The following CPLX3 variants were observed in gnomAD, a reference collection of about 807,000 sequenced individuals.
The protein encoded by CPLX3 is complexin 3.
CPLX3 carries 12 observed loss-of-function variants against 17.2 expected under a neutral mutation model. The ratio of observed to expected loss-of-function variants is 0.70; its 90% CI spans 0.45 to 1.13. The LOEUF is 1.13. Among genes scored for constraint, CPLX3 ranks in the 50% most tolerant of loss-of-function variants. The probability of loss-of-function intolerance (pLI) is 0.00; values close to 1 mark genes in which losing one functional copy is unlikely to be tolerated. For synonymous variants in CPLX3, 75 were observed against 79.4 expected, an observed-to-expected ratio of 0.94 and a Z score of 0.29; for missense variants, 172 against 203.2, an observed-to-expected ratio of 0.85 and a Z score of 0.93.
At chr15:74,829,045 A>C (rs1254087136) in intron 2 of CPLX3, among the ~76,000 whole-genome samples, 2 of 152,216 alleles carry the variant, frequency 1.3e-5, no homozygotes, top group African/African-American at 4.8e-5. Flanking sequence ...TTGAATGACC[A>C]AATATATGAA....
At chr15:74,828,772 A>G (rs1446915443) in intron 2 of CPLX3, among the ~76,000 whole-genome samples, 6 of 152,082 alleles carry the variant, frequency 3.9e-5, no homozygotes. Flanking sequence ...TTTCCAGAGT[A>G]TGGAGTCTGC....
Position 74,831,021 on chromosome 15 carries a change from G to A in CPLX3, c.*667G>A, listed in dbSNP as rs1294139871. The stretch of plus-strand genomic sequence containing the variant: ...GCAGCAGCTGCTGCCACAGCCTCCA[G>A]CGGCTGCCACTGTGGGCTCTGGGAG... On this transcript the variant is annotated 3_prime_UTR_variant, in exon 3 of 3. Coordinates refer to ENST00000395018, the MANE Select transcript of CPLX3 (RefSeq NM_001030005.3). 2.0e-5 allele frequency: 3 copies of A among 152,728 alleles called. No individual in the cohort carries two copies. Among genetic ancestry groups the A allele is most frequent in the Admixed American group, 2.0e-4 (3 of 15,294 alleles). 9.5% of individuals were successfully genotyped at this position (152,728 alleles called of 1,614,324 possible). A position where few individuals can be genotyped will look rare whatever the true frequency, so the allele number is the denominator to read the frequency against.
chr15:74,826,897 A>G lies in CPLX3; in HGVS notation c.164+30A>G, dbSNP rs752176066. On this transcript the variant is annotated intron_variant, in intron 1 of 2. Coordinates refer to ENST00000395018, the MANE Select transcript of CPLX3 (RefSeq NM_001030005.3). The surrounding 1 kb of genome is among the most constrained non-coding windows in gnomAD (Gnocchi z 5.0). Reference sequence around the variant, plus strand: ...GTGGGATCCCTTCCTGGCTCCAACGACCTCCCCTCCCCACCCCCACAGCTG... The same window carrying G: ...GTGGGATCCCTTCCTGGCTCCAACGGCCTCCCCTCCCCACCCCCACAGCTG... The G allele has an allele frequency of 1.9e-6, 3 of 1,570,484 alleles. No homozygotes were observed. Among genetic ancestry groups the G allele is most frequent in the Non-Finnish European group, 8.6e-7 (1 of 1,158,888 alleles).
chr15:74,830,259 A>G lies in CPLX3; in HGVS notation c.382A>G (p.Ser128Gly), dbSNP rs2063962706. 1.9e-6 allele frequency: 3 copies of G among 1,614,018 alleles called. No individual in the cohort carries two copies. Among genetic ancestry groups the G allele is most frequent in the East Asian group, 2.2e-5 (1 of 44,880 alleles). ...EKASVLGQLA[S>G]LPGLNLGSLK... is the part of the protein sequence containing the mutation. ...GGCCTCAGTCCTTGGGCAGCTGGCC[A>G]GCCTTCCTGGCTTGAACCTGGGCTC... Residue 128 changes from serine to glycine, a missense_variant, in exon 3 of 3, where the codon AGC (serine) becomes GGC (glycine). Coordinates refer to ENST00000395018, the MANE Select transcript of CPLX3 (RefSeq NM_001030005.3).
At position 74,830,163 on chromosome 15, in the gene CPLX3, G is replaced by A; in HGVS notation, c.286G>A (p.Gly96Ser). 1 of 1,613,978 alleles carries A rather than the reference G, an allele frequency of 6.2e-7. No homozygotes were observed. The highest frequency in any genetic ancestry group is 1.1e-5 in the South Asian group (1 of 91,076). The change falls in exon 3 of 3, where the codon GGT (glycine) becomes AGT (serine). Residue 96 changes from glycine to serine, a missense_variant. By Grantham distance (56) the Gly-to-Ser change is moderately conservative. Coordinates refer to ENST00000395018, the MANE Select transcript of CPLX3 (RefSeq NM_001030005.3). Reference protein sequence around the residue: ...ETDESQIQMAGGDVELPRELA... With the variant: ...ETDESQIQMASGDVELPRELA... ...AGATGAGAGCCAGATCCAGATGGCAGGTGGAGACGTGGAGCTGCCCCGGGA... is the reference window on the plus strand; with the variant it reads ...AGATGAGAGCCAGATCCAGATGGCAAGTGGAGACGTGGAGCTGCCCCGGGA...
intron 2 of CPLX3, among the ~76,000 whole-genome samples, chr15:74,829,156 G>A (rs545025304): frequency 3.3e-5 from 5 of 152,096 alleles, no homozygotes; most frequent in African/African-American, 9.7e-5. Context: ...GGGAAAAACC[G>A]GTCCAGAAAG....
Position 74,826,674 on chromosome 15 carries a change from A to G in CPLX3, c.-30A>G. 1 of 1,593,924 alleles carries G rather than the reference A, an allele frequency of 6.3e-7. No individual in the cohort carries two copies. The highest frequency in any genetic ancestry group is 8.5e-7 in the Non-Finnish European group (1 of 1,171,644). ...TGCCCGGTGCCTGGCGCGTGGTAGC[A>G]GGCGCCCGGTGCCCCGGCCGGCGAA... On this transcript the variant is annotated 5_prime_UTR_variant, in exon 1 of 3. Coordinates refer to ENST00000395018, the MANE Select transcript of CPLX3 (RefSeq NM_001030005.3). The surrounding 1 kb of genome is among the most constrained non-coding windows in gnomAD (Gnocchi z 5.0).
chr15:74,829,117 G>C (rs1275712848), intron 2 of CPLX3, among the ~76,000 whole-genome samples: 1 of 152,122 alleles, frequency 6.6e-6, no homozygotes, highest in Non-Finnish European at 1.5e-5. Context: ...ACTCCCCACA[G>C]GGCACCAATC....
rs2063969759 is a variant in CPLX3, at chr15:74,831,577, A to G, written c.*1223A>G. On this transcript the variant is annotated 3_prime_UTR_variant, in exon 3 of 3. Coordinates refer to ENST00000395018, the MANE Select transcript of CPLX3 (RefSeq NM_001030005.3). Reference sequence around the variant, plus strand: ...GCCTACACCCCTCCTCACCCTAGAGACGGAAGATGTGCAAAAAGAAAGAAG... The same window carrying G: ...GCCTACACCCCTCCTCACCCTAGAGGCGGAAGATGTGCAAAAAGAAAGAAG... The G allele has an allele frequency of 6.6e-6, 1 of 152,012 alleles. No homozygotes were observed. The highest frequency in any genetic ancestry group is 2.4e-5 in the African/African-American group (1 of 41,330). The allele number at this position is 152,012 out of a possible 1,614,324, so 9.4% of individuals were successfully genotyped here. A position where few individuals can be genotyped will look rare whatever the true frequency, so the allele number is the denominator to read the frequency against.
chr15:74,828,738 C>A (rs1403902996), intron 2 of CPLX3, among the ~76,000 whole-genome samples: 1 of 152,180 alleles, frequency 6.6e-6, no homozygotes, highest in Non-Finnish European at 1.5e-5. Context: ...ATGAGCCTGC[C>A]TTTGCTCCAG....
At chr15:74,830,106 C>T in intron 2 of CPLX3, 24 bp from the exon 3 acceptor site, 1 of 1,596,890 alleles carries the variant, frequency 6.3e-7, no homozygotes, top group Non-Finnish European at 8.6e-7. Context: ...TCCACCCCAC[C>T]CCCTCTTCCC....
Position 74,831,131 on chromosome 15 carries a change from A to C in CPLX3, c.*777A>C, listed in dbSNP as rs1051562975. 6.5e-6 allele frequency: 1 copy of C among 152,672 alleles called. No individual in the cohort carries two copies. The highest frequency in any genetic ancestry group is 6.5e-5 in the Admixed American group (1 of 15,286). The allele number at this position is 152,672 out of a possible 1,614,324, so 9.5% of individuals were successfully genotyped here. On this transcript the variant is annotated 3_prime_UTR_variant, in exon 3 of 3. Coordinates refer to ENST00000395018, the MANE Select transcript of CPLX3 (RefSeq NM_001030005.3). Reference sequence around the variant, plus strand: ...GCGGCTCCAGGCCTCCTCTGGGCCCAGGGCCCAGCCAATTTCTGTTCTGTT... The same window carrying C: ...GCGGCTCCAGGCCTCCTCTGGGCCCCGGGCCCAGCCAATTTCTGTTCTGTT...
At chr15:74,830,069 C>T in intron 2 of CPLX3, 61 bp from the exon 3 acceptor site, 1 of 1,327,416 alleles carries the variant, frequency 7.5e-7, no homozygotes, top group Non-Finnish European at 1.1e-6. Context: ...CCTGTCCTCT[C>T]AACTCTGGGT....
chr15:74,829,979 T>C (rs1726924177), intron 2 of CPLX3, 151 bp from the exon 3 acceptor site: 2 of 612,520 alleles, frequency 3.3e-6, no homozygotes, highest in African/African-American at 2.0e-5. Flanking sequence ...GTGGGCAACA[T>C]AGGGAGACCT....
At chr15:74,830,013 A>AAG in intron 2 of CPLX3, 117 bp from the exon 3 acceptor site, 1 of 725,078 alleles carries the variant, frequency 1.4e-6, no homozygotes, top group Non-Finnish European at 2.3e-6. Flanking sequence ...AAAAAAAAAA[A>AAG]GAAAAAATAG....
chr15:74,830,425 C>T lies in CPLX3; in HGVS notation c.*71C>T. On this transcript the variant is annotated 3_prime_UTR_variant, in exon 3 of 3. Coordinates refer to ENST00000395018, the MANE Select transcript of CPLX3 (RefSeq NM_001030005.3). ...AAGAGTGTGTCAACTTCCAGGGACC[C>T]ATACTCCATTTGGGGCTTTGTTTCC... 2.3e-6 allele frequency: 3 copies of T among 1,283,972 alleles called. No individual in the cohort carries two copies. Among genetic ancestry groups the T allele is most frequent in the Middle Eastern group, 2.6e-4 (1 of 3,842 alleles). The allele number at this position is 1,283,972 out of a possible 1,614,324, so 79.5% of individuals were successfully genotyped here.
rs770810449 is a variant in CPLX3 at position 74,830,629 on chromosome 15, A to G, written c.*275A>G. 24 of 415,074 alleles carry G rather than the reference A, an allele frequency of 5.8e-5. No individual in the cohort carries two copies. Among genetic ancestry groups the G allele is most frequent in the Non-Finnish European group, 8.4e-5 (19 of 224,920 alleles). The allele number at this position is 415,074 out of a possible 1,614,324, so 25.7% of individuals were successfully genotyped here. A position where few individuals can be genotyped will look rare whatever the true frequency, so the allele number is the denominator to read the frequency against. On this transcript the variant is annotated 3_prime_UTR_variant, in exon 3 of 3. Coordinates refer to ENST00000395018, the MANE Select transcript of CPLX3 (RefSeq NM_001030005.3). ...GGAATAGGCCCATCCCTCTCTGGCC[A>G]TGGCCCCAAGTTCCTGCACACAGGA...
At chr15:74,830,026 T>C (rs984157593) in intron 2 of CPLX3, 104 bp from the exon 3 acceptor site, 9 of 722,954 alleles carry the variant, frequency 1.2e-5, no homozygotes, top group Non-Finnish European at 2.1e-5. Context: ...AAAAATAGAA[T>C]CTAGGGGCCT....
At chr15:74,827,287 ACT>A (rs2063948292) in intron 1 of CPLX3, among the ~76,000 whole-genome samples, 3 of 152,164 alleles carry the variant, frequency 2.0e-5, no homozygotes, top group African/African-American at 7.2e-5. Context: ...AGATGGGGGC[ACT>A]CACAAACATT....
Sources: allele counts gnomAD v4.1 joint callset (sites outside exome capture counted in the v4.1 genomes callset), GRCh38; gene constraint gnomAD v4.1.1; non-coding constraint Gnocchi (gnomAD v3.1); transcripts MANE v1.5; gene names NCBI Gene and HGNC (gene_info 2026-07-23, HGNC 2026-07-21).